Variants in MAGI3 observed in about 807,000 individuals in gnomAD.
MAGI3 encodes membrane-associated guanylate kinase, WW and PDZ domain-containing protein 3.
A neutral mutation model predicts 121.8 loss-of-function variants in MAGI3; 43 were observed. The ratio of observed to expected loss-of-function variants is 0.35; its 90% CI spans 0.28 to 0.46. The LOEUF (loss-of-function observed/expected upper bound fraction) is 0.46, where lower values mean the gene tolerates loss of function less well. Among genes scored for constraint, MAGI3 ranks in the 20% least tolerant of loss-of-function variants. The pLI is 1.00. For missense variants in MAGI3, 1,547 were observed against 1,797.3 expected, an observed-to-expected ratio of 0.86 and a Z score of 2.52; for synonymous variants, 553 against 639.3, an observed-to-expected ratio of 0.86 and a Z score of 2.04.
intron 1 of MAGI3, among the ~76,000 whole-genome samples, chr1:113,533,147 T>C (rs1658804679): frequency 6.6e-6 from 1 of 152,222 alleles, no homozygotes; most frequent in Non-Finnish European, 1.5e-5. Flanking sequence ...GTTATATGGT[T>C]TTCTTTTAGC....
intron 1 of MAGI3, among the ~76,000 whole-genome samples, chr1:113,463,205 C>T (rs1655115765): frequency 6.6e-6 from 1 of 151,690 alleles, no homozygotes; most frequent in South Asian, 2.1e-4. Context: ...GTGGTTGTCT[C>T]CAGAAATCTA....
chr1:113,531,475 A>G (rs1319926550), intron 1 of MAGI3, among the ~76,000 whole-genome samples: 2 of 152,054 alleles, frequency 1.3e-5, no homozygotes, highest in East Asian at 1.9e-4. Flanking sequence ...TCCACTAGCA[A>G]AGTATGAGAC....
At chr1:113,522,757 A>G (rs1658262864) in intron 1 of MAGI3, among the ~76,000 whole-genome samples, 1 of 152,150 alleles carries the variant, frequency 6.6e-6, no homozygotes, top group South Asian at 2.1e-4. Context: ...TTTATGCCAA[A>G]TTTTCCTTAT....
At chr1:113,675,498 A>T (rs1557887144) in intron 19 of MAGI3, among the ~76,000 whole-genome samples, 1 of 152,224 alleles carries the variant, frequency 6.6e-6, no homozygotes, top group Non-Finnish European at 1.5e-5. Flanking sequence ...TGAAGGGAAC[A>T]GCTAGTAGAG....
chr1:113,472,661 GGTGTGTGT>G (rs142790579), intron 1 of MAGI3, among the ~76,000 whole-genome samples: 1 of 147,878 alleles, frequency 6.8e-6, no homozygotes, highest in Admixed American at 6.8e-5. Context: ...ATCTACTACA[GGTGTGTGT>G]GTGTGTGTGT....
At chr1:113,478,646 A>G (rs1359428200) in intron 1 of MAGI3, among the ~76,000 whole-genome samples, 1 of 152,110 alleles carries the variant, frequency 6.6e-6, no homozygotes, top group Non-Finnish European at 1.5e-5. Context: ...AGCTGTCTAT[A>G]TGAGGTGGCT....
chr1:113,587,666 T>A (rs1570906315), intron 4 of MAGI3, among the ~76,000 whole-genome samples: 1 of 152,306 alleles, frequency 6.6e-6, no homozygotes. Context: ...CAATAACATA[T>A]GTTACGTAAT....
intron 1 of MAGI3, among the ~76,000 whole-genome samples, chr1:113,503,836 A>G (rs1418198066): frequency 6.6e-6 from 1 of 152,012 alleles, no homozygotes; most frequent in African/African-American, 2.4e-5. Flanking sequence ...TGGAAAATGG[A>G]ATGGTAAGGT....
At chr1:113,617,388 T>C (rs951723722) in intron 7 of MAGI3, among the ~76,000 whole-genome samples, 3 of 152,198 alleles carry the variant, frequency 2.0e-5, no homozygotes, top group Non-Finnish European at 4.4e-5. Flanking sequence ...ACAAAATTTG[T>C]TGTGTCTTAA....
chr1:113,484,989 C>T (rs1656312186), intron 1 of MAGI3, among the ~76,000 whole-genome samples: 1 of 151,786 alleles, frequency 6.6e-6, no homozygotes, highest in Non-Finnish European at 1.5e-5. Context: ...GCTTTGGCCT[C>T]CCAAAGTGCT....
chr1:113,461,064 T>C (rs1655009003), intron 1 of MAGI3, among the ~76,000 whole-genome samples: 1 of 151,824 alleles, frequency 6.6e-6, no homozygotes. Flanking sequence ...TACAAAACAC[T>C]CCTCAAATAA....
chr1:113,607,780 A>G (rs528508506), intron 6 of MAGI3, among the ~76,000 whole-genome samples: 6 of 152,200 alleles, frequency 3.9e-5, no homozygotes, highest in African/African-American at 1.4e-4. Context: ...TTTTCTATCT[A>G]TCTCTCCCTT....
At chr1:113,524,106 A>G (rs1212399572) in intron 1 of MAGI3, among the ~76,000 whole-genome samples, 1 of 152,204 alleles carries the variant, frequency 6.6e-6, no homozygotes, top group Non-Finnish European at 1.5e-5. Flanking sequence ...GCAGGTGCAT[A>G]GAAGTCAAGA....
At chr1:113,641,088 A>G (rs2101821833) in intron 9 of MAGI3, among the ~76,000 whole-genome samples, 1 of 25,368 alleles carries the variant, frequency 3.9e-5, no homozygotes, top group East Asian at 4.1e-4. Flanking sequence ...TATGAGATAT[A>G]TATTATATAT....
chr1:113,461,825 C>T (rs1230635445), intron 1 of MAGI3, among the ~76,000 whole-genome samples: 4 of 152,148 alleles, frequency 2.6e-5, no homozygotes, highest in African/African-American at 9.7e-5. Context: ...AACTATGCAT[C>T]TGACAAAGGT....
intron 15 of MAGI3, among the ~76,000 whole-genome samples, chr1:113,656,679 A>C (rs185861045): frequency 8.5e-5 from 13 of 152,284 alleles, no homozygotes; most frequent in Admixed American, 8.5e-4. Context: ...GGCCTCCCAA[A>C]GTGCTGGGAT....
intron 1 of MAGI3, among the ~76,000 whole-genome samples, chr1:113,460,425 A>C (rs1394893889): frequency 6.6e-6 from 1 of 152,214 alleles, no homozygotes; most frequent in Non-Finnish European, 1.5e-5. Flanking sequence ...TTACCAGAGC[A>C]GTCATGCAAG....
At chr1:113,448,205 T>C (rs1359664694) in intron 1 of MAGI3, among the ~76,000 whole-genome samples, 1 of 152,240 alleles carries the variant, frequency 6.6e-6, no homozygotes, top group Non-Finnish European at 1.5e-5. Flanking sequence ...GGCTTTTTGG[T>C]GATCTTTCTA....
chr1:113,540,315 T>C, intron 1 of MAGI3, among the ~76,000 whole-genome samples: 1 of 152,236 alleles, frequency 6.6e-6, no homozygotes, highest in East Asian at 1.9e-4. Context: ...ACATAATTTC[T>C]GACTTCACAC....
Sources: gnomAD v4.1 joint callset for allele counts (sites outside exome capture counted in the v4.1 genomes callset) on GRCh38, gnomAD v4.1.1 for gene constraint, MANE v1.5 for transcripts, NCBI Gene and HGNC (gene_info 2026-07-23, HGNC 2026-07-21) for gene names.